Variants in NASP observed in about 807,000 individuals in gnomAD.
NASP encodes nuclear autoantigenic sperm protein, also known as NASP histone chaperone.
A neutral mutation model predicts 89.5 loss-of-function variants in NASP; 24 were observed. That is an observed-to-expected ratio of 0.27 (90% CI 0.19 to 0.38). NASP has a LOEUF of 0.38. NASP is among the 10% of genes least tolerant of loss of function. The probability of loss-of-function intolerance (pLI) is 1.00; values close to 1 mark genes in which losing one functional copy is unlikely to be tolerated. For missense variants in NASP, 848 were observed against 921.4 expected, an observed-to-expected ratio of 0.92 and a Z score of 1.03; for synonymous variants, 306 against 324.7, an observed-to-expected ratio of 0.94 and a Z score of 0.62.
intron 2 of NASP, among the ~76,000 whole-genome samples, chr1:45,595,143 G>A (rs1174750889): frequency 2.5e-5 from 3 of 121,010 alleles, no homozygotes; most frequent in African/African-American, 1.0e-4. Context: ...GTGTGTGTGT[G>A]TGTGTGTGTG....
At chr1:45,601,294 A>G (rs1643837620) in intron 2 of NASP, among the ~76,000 whole-genome samples, 1 of 152,190 alleles carries the variant, frequency 6.6e-6, no homozygotes, top group African/African-American at 2.4e-5. Flanking sequence ...TAGAAACTTT[A>G]TGGTTTAAAT....
At position 45,605,002 on chromosome 1, in the gene NASP, T is replaced by G. The variant is rs1643890187; in HGVS notation, c.285T>G (p.Leu95=). 1.2e-6 allele frequency: 2 copies of G among 1,611,792 alleles called. No homozygotes were observed. Among genetic ancestry groups the G allele is most frequent in the Non-Finnish European group, 1.7e-6 (2 of 1,178,148 alleles). ...CCTTCTTTTTCTATGGGAAATCACT[T>G]CTGGAGTTGGCAAGGTATGGATGTT... ...GEAFFFYGKS[L]LELARMENGV... is the part of the protein sequence containing the mutation. The change falls in exon 4 of 15, where the codon CTT becomes CTG. Residue 95 remains leucine, a synonymous_variant. Transcript: ENST00000350030.
chr1:45,584,058 C>T lies in NASP; in HGVS notation c.-89C>T, dbSNP rs1485965018. 3.9e-6 allele frequency: 5 copies of T among 1,279,358 alleles called. No individual in the cohort carries two copies. The highest frequency in any genetic ancestry group is 2.4e-4 in the Middle Eastern group (1 of 4,092). 79.3% of individuals were successfully genotyped at this position (1,279,358 alleles called of 1,614,324 possible). A position where few individuals can be genotyped will look rare whatever the true frequency, so the allele number is the denominator to read the frequency against. ...CGCGGGGTCTCTAATCTGCCATTTT[C>T]TGTCCCTGAGTGAGTCTCTGGCGTC... On this transcript the variant is annotated 5_prime_UTR_variant, in exon 1 of 15. Transcript: ENST00000350030.
intron 2 of NASP, 148 bp downstream of exon 2, chr1:45,591,418 A>G (rs556350686): frequency 8.7e-6 from 5 of 577,716 alleles, no homozygotes; most frequent in African/African-American, 4.0e-5. Flanking sequence ...GCAGTGTGCA[A>G]TCAGGGCTCA....
chr1:45,596,172 G>A (rs1643689317), intron 2 of NASP, among the ~76,000 whole-genome samples: 1 of 152,190 alleles, frequency 6.6e-6, no homozygotes, highest in Non-Finnish European at 1.5e-5. Context: ...ATCAACTGCT[G>A]TTGTGAGACT....
chr1:45,617,253 G>A lies in NASP; in HGVS notation c.2158-210G>A, dbSNP rs190857100. On this transcript the variant is annotated intron_variant, in intron 13 of 14. Transcript: ENST00000350030. ...CCCAACCCTATCTCCCTGTGCTTCC[G>A]GTAGAGGGGCCTGAAGTGATATGGT... 551 of 511,748 alleles carry A rather than the reference G, an allele frequency of 1.1e-3. 5 individuals are homozygous for A. The highest frequency in any genetic ancestry group is 3.5e-3 in the South Asian group (149 of 42,680). The allele number at this position is 511,748 out of a possible 1,614,324, so 31.7% of individuals were successfully genotyped here.
At chr1:45,591,389 T>A in intron 2 of NASP, 119 bp downstream of exon 2, 1 of 719,280 alleles carries the variant, frequency 1.4e-6, no homozygotes, top group Non-Finnish European at 2.2e-6. Flanking sequence ...AGGTGTCGCT[T>A]TGTTGCTCAG....
At chr1:45,590,765 GA>G (rs1303376595) in intron 1 of NASP, among the ~76,000 whole-genome samples, 1 of 137,746 alleles carries the variant, frequency 7.3e-6, no homozygotes, top group African/African-American at 2.7e-5. Flanking sequence ...GTGTGTTATA[GA>G]AGGTTATATA....
intron 2 of NASP, among the ~76,000 whole-genome samples, chr1:45,592,165 A>G (rs1643566126): frequency 6.6e-6 from 1 of 152,072 alleles, no homozygotes; most frequent in African/African-American, 2.4e-5. Flanking sequence ...TTCTATTTTT[A>G]GTAGAGATGG....
intron 2 of NASP, among the ~76,000 whole-genome samples, chr1:45,599,440 T>G (rs1643780896): frequency 1.3e-5 from 2 of 151,896 alleles, no homozygotes; most frequent in African/African-American, 4.8e-5. Context: ...TTTCTTTTCT[T>G]TTTTTGAGAT....
intron 12 of NASP, 103 bp from the exon 13 acceptor site, chr1:45,616,523 C>A: frequency 6.7e-7 from 1 of 1,493,654 alleles, no homozygotes; most frequent in Non-Finnish European, 9.3e-7. Flanking sequence ...CTAGCTTGGG[C>A]AACATAGTGA....
intron 1 of NASP, among the ~76,000 whole-genome samples, chr1:45,586,271 TGTGTGTGTGTGTG>T (rs1174887956): frequency 8.4e-4 from 55 of 65,536 alleles, no homozygotes; most frequent in Middle Eastern, 7.1e-3. Context: ...TGTGTGTGTG[TGTGTGTGTGTGTG>T]GTGTGTGTGT....
At chr1:45,586,276 GTGTGTGTGGTGT>G (rs1286661145) in intron 1 of NASP, among the ~76,000 whole-genome samples, 111 of 51,014 alleles carry the variant, frequency 2.2e-3, no homozygotes, top group African/African-American at 7.4e-3. Context: ...GTGTGTGTGT[GTGTGTGTGGTGT>G]GTGTGTGTGT....
chr1:45,586,298 T>TGTGTG lies in NASP; in HGVS notation c.59+2094_59+2098dup, dbSNP rs1557646716. The stretch of plus-strand genomic sequence containing the variant: ...TGTGTGTGTGTGGTGTGTGTGTGTG[T>TGTGTG]GTGTGTGTGTGGTGTGTGTGTGTGT... On this transcript the variant is annotated intron_variant, in intron 1 of 14. Transcript: ENST00000350030. Among the ~76,000 whole-genome samples the TGTGTG allele has an allele frequency of 3.4e-3, 324 of 96,588 alleles. 3 individuals carry two copies. The highest frequency in any genetic ancestry group is 6.7e-3 in the East Asian group (23 of 3,442). The allele number at this position is 96,588 out of a possible 152,430, so 63.4% of individuals were successfully genotyped here.
Position 45,614,170 on chromosome 1 carries a change from C to A in NASP, c.1581C>A (p.Ile527=). The A allele has an allele frequency of 6.2e-7, 1 of 1,611,916 alleles. No homozygotes were observed. Among genetic ancestry groups the A allele is most frequent in the East Asian group, 2.2e-5 (1 of 44,862 alleles). ...LAWDMLDLAK[I]IFKRQETKEA... ...GGGATATGCTGGATTTAGCAAAGAT[C>A]ATTTTTAAAAGGTAAAACTCTTGGT... The change falls in exon 8 of 15, where the codon ATC becomes ATA. Residue 527 remains isoleucine, a synonymous_variant. Coordinates refer to ENST00000350030, the MANE Select transcript of NASP (RefSeq NM_002482.4).
chr1:45,600,445 A>G, intron 2 of NASP: 1 of 1,266,710 alleles, frequency 7.9e-7, no homozygotes, highest in Non-Finnish European at 1.0e-6. Flanking sequence ...TATTATCTAA[A>G]TAGAATCATA....
intron 3 of NASP, 123 bp from the exon 4 acceptor site, chr1:45,604,813 A>G: frequency 1.4e-6 from 1 of 713,162 alleles, no homozygotes; most frequent in Non-Finnish European, 2.4e-6. Context: ...CTTGAAAGCA[A>G]GAGGGGTATT....
chr1:45,584,099 T>G lies in NASP; in HGVS notation c.-48T>G. 6.5e-7 allele frequency: 1 copy of G among 1,528,794 alleles called. No individual in the cohort carries two copies. Among genetic ancestry groups the G allele is most frequent in the South Asian group, 1.2e-5 (1 of 83,866 alleles). The allele number at this position is 1,528,794 out of a possible 1,614,324, so 94.7% of individuals were successfully genotyped here. On this transcript the variant is annotated 5_prime_UTR_variant, in exon 1 of 15. Coordinates refer to ENST00000350030, the MANE Select transcript of NASP (RefSeq NM_002482.4). ...CTCTGGCGTCCCAAATTGCCTGTTT[T>G]TCTCGCAGGCTCTATTCCGTTCGCT... is the stretch of plus-strand genomic sequence containing the variant.
intron 3 of NASP, among the ~76,000 whole-genome samples, chr1:45,603,742 T>C (rs1424631869): frequency 6.6e-6 from 1 of 151,822 alleles, no homozygotes; most frequent in East Asian, 1.9e-4. Context: ...CCCAAGTAGC[T>C]GGGATTACAG....
Sources: gnomAD v4.1 joint callset for allele counts (sites outside exome capture counted in the v4.1 genomes callset) on GRCh38, gnomAD v4.1.1 for gene constraint, MANE v1.5 for transcripts, NCBI Gene and HGNC (gene_info 2026-07-23, HGNC 2026-07-21) for gene names.